CADM1: variants seen among roughly 807,000 people sequenced by gnomAD.
CADM1 encodes cell adhesion molecule 1.
CADM1 carries 15 observed loss-of-function variants against 53.1 expected under a neutral mutation model. The observed-to-expected ratio is 0.28, with a 90% CI of 0.19 to 0.44. The LOEUF (loss-of-function observed/expected upper bound fraction) is 0.44, where lower values mean the gene tolerates loss of function less well. CADM1 is among the 20% of genes least tolerant of loss of function. The pLI is 1.00. For synonymous variants in CADM1, 281 were observed against 243.0 expected, an observed-to-expected ratio of 1.16 and a Z score of -1.45; for missense variants, 434 against 611.3, an observed-to-expected ratio of 0.71 and a Z score of 3.06.
At chr11:115,391,345 G>A (rs772760826) in intron 1 of CADM1, among the ~76,000 whole-genome samples, 1 of 152,124 alleles carries the variant, frequency 6.6e-6, no homozygotes, top group Non-Finnish European at 1.5e-5. Flanking sequence ...TCAGCAAAAC[G>A]ATTACAATGG....
At chr11:115,177,619 T>G (rs1939096320) in intron 11 of CADM1, among the ~76,000 whole-genome samples, 1 of 151,952 alleles carries the variant, frequency 6.6e-6, no homozygotes, top group Non-Finnish European at 1.5e-5. Flanking sequence ...CCCTGGTCCT[T>G]CACAGCTGCT....
chr11:115,301,399 T>C (rs1944217087), intron 1 of CADM1, among the ~76,000 whole-genome samples: 1 of 152,094 alleles, frequency 6.6e-6, no homozygotes, highest in Non-Finnish European at 1.5e-5. Flanking sequence ...TGGTTTCCAG[T>C]TGAGATGTTC....
chr11:115,428,640 GCTC>G (rs768570190), intron 1 of CADM1, among the ~76,000 whole-genome samples: 83 of 152,128 alleles, frequency 5.5e-4, no homozygotes, highest in African/African-American at 1.7e-3. Flanking sequence ...TTGTCTATAA[GCTC>G]CTCAATTCTT....
At chr11:115,217,226 T>G (rs374806920) in intron 6 of CADM1, among the ~76,000 whole-genome samples, 1 of 152,166 alleles carries the variant, frequency 6.6e-6, no homozygotes, top group South Asian at 2.1e-4. Context: ...AGTGATGATA[T>G]ATGTAGTTCC....
intron 1 of CADM1, among the ~76,000 whole-genome samples, chr11:115,274,034 C>T (rs1249014591): frequency 2.0e-5 from 3 of 152,246 alleles, no homozygotes; most frequent in Non-Finnish European, 4.4e-5. Flanking sequence ...CTGAAAATCA[C>T]ACTTCCTACC....
intron 1 of CADM1, among the ~76,000 whole-genome samples, chr11:115,301,147 G>A (rs773895869): frequency 5.3e-5 from 8 of 152,022 alleles, no homozygotes; most frequent in Non-Finnish European, 1.0e-4. Context: ...TAGACTGAAG[G>A]CATGGATGAA....
intron 1 of CADM1, among the ~76,000 whole-genome samples, chr11:115,267,035 A>T (rs1181050680): frequency 1.3e-5 from 2 of 152,206 alleles, no homozygotes; most frequent in Non-Finnish European, 2.9e-5. Context: ...TTTAACAATT[A>T]TGCACTGCAG....
At chr11:115,178,883 GAGTC>G (rs1328220618) in intron 10 of CADM1, 108 bp from the exon 11 acceptor site, 32 of 1,184,446 alleles carry the variant, frequency 2.7e-5, no homozygotes, top group Non-Finnish European at 3.1e-5. Flanking sequence ...TTTAATGGAG[GAGTC>G]ACAGAGAACA....
intron 1 of CADM1, among the ~76,000 whole-genome samples, chr11:115,452,244 C>T (rs1315346965): frequency 3.3e-5 from 5 of 152,096 alleles, no homozygotes; most frequent in Admixed American, 2.0e-4. Context: ...GGTTTTGACA[C>T]CCACTTGTTC....
chr11:115,220,829 G>A (rs1157364158), intron 5 of CADM1, among the ~76,000 whole-genome samples: 1 of 152,108 alleles, frequency 6.6e-6, no homozygotes, highest in East Asian at 1.9e-4. Flanking sequence ...GATTCCACTG[G>A]CACCTCTAGA....
At chr11:115,249,270 T>C (rs1942512235) in intron 1 of CADM1, among the ~76,000 whole-genome samples, 1 of 152,226 alleles carries the variant, frequency 6.6e-6, no homozygotes, top group African/African-American at 2.4e-5. Context: ...TATTATACTC[T>C]AGGAAACATT....
chr11:115,433,427 T>C (rs1018465637), intron 1 of CADM1, among the ~76,000 whole-genome samples: 12 of 152,222 alleles, frequency 7.9e-5, no homozygotes, highest in African/African-American at 2.9e-4. Context: ...TCATCCAGCA[T>C]GACTAAATCA....
chr11:115,391,417 C>T (rs1436767517), intron 1 of CADM1, among the ~76,000 whole-genome samples: 1 of 152,076 alleles, frequency 6.6e-6, no homozygotes, highest in Non-Finnish European at 1.5e-5. Context: ...TGTGAATGGC[C>T]GTGGAGCACA....
In CADM1 at chr11:115,209,612, G is replaced by A. The variant is rs143784461; in HGVS notation, c.1040C>T (p.Thr347Ile). The change falls in exon 8 of 12, where the codon ACC becomes ATC. Residue 347 changes from threonine (T) to isoleucine (I), a missense_variant. Physicochemically the swap from Thr to Ile is moderately conservative, Grantham distance 89 (BLOSUM62 -1). This residue lies in a region of CADM1 where 311 missense variants were observed against 435.1 expected (regional missense o/e 0.71). Transcript: ENST00000331581. ...IPPPTTTTTTTTTTTTTILTI... is the reference protein window; with the variant it reads ...IPPPTTTTTTITTTTTTILTI... ...AAGGATGGTGGTGGTGGTGGTGGTG[G>A]TGGTGGTGGTGGTTGTTGTGGGAGG... The A allele has an allele frequency of 4.5e-5, 73 of 1,612,546 alleles. No individual in the cohort carries two copies. Among genetic ancestry groups the A allele is most frequent in the Non-Finnish European group, 5.3e-5 (63 of 1,179,566 alleles).
intron 10 of CADM1, among the ~76,000 whole-genome samples, chr11:115,186,911 T>C (rs1939584784): frequency 6.6e-6 from 1 of 152,228 alleles, no homozygotes; most frequent in Non-Finnish European, 1.5e-5. Flanking sequence ...GCAGGGGCCC[T>C]GGCTCCTGGA....
At chr11:115,388,033 A>G (rs920008015) in intron 1 of CADM1, among the ~76,000 whole-genome samples, 4 of 152,188 alleles carry the variant, frequency 2.6e-5, no homozygotes, top group Non-Finnish European at 4.4e-5. Flanking sequence ...AGAAAAAGTT[A>G]GTGCTGAGAA....
chr11:115,504,227 G>A (rs868770337), intron 1 of CADM1, 44 bp downstream of exon 1: 1 of 1,559,970 alleles, frequency 6.4e-7, no homozygotes, highest in Middle Eastern at 1.7e-4. Context: ...CTACTGGGGT[G>A]CCTTCGGAGA....
chr11:115,370,762 A>C (rs914907365), intron 1 of CADM1, among the ~76,000 whole-genome samples: 2 of 152,214 alleles, frequency 1.3e-5, no homozygotes, highest in Non-Finnish European at 1.5e-5. Flanking sequence ...TACAACCTGG[A>C]TTTTATAGTT....
At chr11:115,310,137 G>C (rs1253297694) in intron 1 of CADM1, among the ~76,000 whole-genome samples, 4 of 151,992 alleles carry the variant, frequency 2.6e-5, no homozygotes, top group Non-Finnish European at 4.4e-5. Flanking sequence ...TGCACGATGG[G>C]GAAAGGCAAG....
Sources: gnomAD v4.1 joint callset for allele counts (sites outside exome capture counted in the v4.1 genomes callset) on GRCh38, gnomAD v4.1.1 for gene constraint, gnomAD v4.1.1 regional missense constraint, MANE v1.5 for transcripts, NCBI Gene and HGNC (gene_info 2026-07-23, HGNC 2026-07-21) for gene names.